The following PNPLA7 variants were observed in gnomAD, a reference collection of about 807,000 sequenced individuals.
PNPLA7 encodes the protein patatin-like phospholipase domain-containing protein 7.
Under a neutral mutation model 161.7 loss-of-function variants are expected in PNPLA7, and 153 were observed. That is an observed-to-expected ratio of 0.95 (90% CI 0.83 to 1.08). The LOEUF is 1.08. PNPLA7 is among the 50% of genes least tolerant of loss of function. PNPLA7 has a pLI of 0.00. For missense variants in PNPLA7, 1,739 were observed against 1,856.6 expected (o/e 0.94, Z 1.16); for synonymous variants, 809 against 782.1 (o/e 1.03, Z -0.57).
intron 25 of PNPLA7, among the ~76,000 whole-genome samples, chr9:137,477,815 G>T (rs768390041): frequency 2.0e-5 from 3 of 152,186 alleles, no homozygotes; most frequent in Non-Finnish European, 4.4e-5. Context: ...ATAAAACCAG[G>T]GCCACTTTGG....
rs1303388677 is a variant in PNPLA7 at position 137,519,909 on chromosome 9, G to T, written c.1084+8C>A. On this transcript the variant is annotated splice_region_variant and intron_variant, in intron 11 of 34. Coordinates refer to ENST00000406427, the MANE Select transcript of PNPLA7 (RefSeq NM_001098537.3). ...CTGGACATTGCCCTCCTTGGTGCAG[G>T]ACAGTACCTGAGTCACAGGACTCCT... 1 of 1,610,952 alleles carries T rather than the reference G, an allele frequency of 6.2e-7. No individual in the cohort carries two copies. The highest frequency in any genetic ancestry group is 1.3e-5 in the African/African-American group (1 of 74,894).
intron 14 of PNPLA7, among the ~76,000 whole-genome samples, chr9:137,504,147 GGAA>G (rs554163674): frequency 3.2e-3 from 440 of 138,674 alleles, no homozygotes; most frequent in African/African-American, 0.012. Flanking sequence ...AAAAAAGAAA[GGAA>G]GAAGAAGAGA....
At position 137,541,008 on chromosome 9, in the gene PNPLA7, C is replaced by T. The variant is rs1473306878; in HGVS notation, c.667-286G>A. ...GGACTGAGGCAAAAGCTCGCAGAGC[C>T]TGTTTGTTTGCTGAGCTAACTATAA... On this transcript the variant is annotated intron_variant, in intron 7 of 34. Coordinates refer to ENST00000406427, the MANE Select transcript of PNPLA7 (RefSeq NM_001098537.3). This position sits in a 1 kb window ranked among gnomAD's most constrained non-coding sequence, Gnocchi z 4.4. 6.6e-6 allele frequency among the ~76,000 whole-genome samples: 1 copy of T among 152,140 alleles called. No homozygotes were observed. The highest frequency in any genetic ancestry group is 1.5e-5 in the Non-Finnish European group (1 of 68,032).
At chr9:137,532,030 A>C (rs1428422155) in intron 8 of PNPLA7, among the ~76,000 whole-genome samples, 1 of 152,254 alleles carries the variant, frequency 6.6e-6, no homozygotes, top group Non-Finnish European at 1.5e-5. Flanking sequence ...CCGAACAGCC[A>C]GGACTATAGG....
Position 137,462,014 on chromosome 9 carries a change from C to A in PNPLA7, c.3673G>T (p.Val1225Leu). The A allele has an allele frequency of 6.2e-7, 1 of 1,601,020 alleles. No homozygotes were observed. The highest frequency in any genetic ancestry group is 8.5e-7 in the Non-Finnish European group (1 of 1,175,336). ...CEVGYQHGRT[V>L]FDIWGRSGVL... ...CCGCTGCGGCCCCAGATGTCAAACA[C>A]CGTGCGCCCGTGCTGGTAGCCCACT... Residue 1225 changes from valine to leucine, a missense_variant, in exon 32 of 35, where the codon GTG becomes TTG. Val to Leu is a conservative substitution (Grantham distance 32). Coordinates refer to ENST00000406427, the MANE Select transcript of PNPLA7 (RefSeq NM_001098537.3).
rs770388935 is a variant in PNPLA7 at position 137,467,156 on chromosome 9, C to G, written c.3039+161G>C. Among the ~76,000 whole-genome samples, 13 of 152,244 alleles carry G rather than the reference C, an allele frequency of 8.5e-5. No individual in the cohort carries two copies. The highest frequency in any genetic ancestry group is 1.3e-4 in the Non-Finnish European group (9 of 68,046). On this transcript the variant is annotated intron_variant, in intron 26 of 34. Transcript: ENST00000406427. This position sits in a 1 kb window ranked among gnomAD's most constrained non-coding sequence, Gnocchi z 5.1. ...CTGCATCTGTGCCTTCTCTGTGGTG[C>G]TCCTTTGCCTCACAAGCTGCACTGG...
chr9:137,516,474 C>T (rs1834577523), intron 11 of PNPLA7: 1 of 985,158 alleles, frequency 1.0e-6, no homozygotes, highest in African/African-American at 1.7e-5. Flanking sequence ...GGACCTAATC[C>T]AGTGAAAGAA....
At chr9:137,536,224 T>C (rs2132587296) in intron 8 of PNPLA7, among the ~76,000 whole-genome samples, 1 of 151,118 alleles carries the variant, frequency 6.6e-6, no homozygotes, top group East Asian at 1.9e-4. Context: ...CAATTCTAGA[T>C]TTCTAAGGTT....
intron 21 of PNPLA7, among the ~76,000 whole-genome samples, chr9:137,481,741 G>C (rs1048367373): frequency 2.6e-5 from 4 of 152,288 alleles, no homozygotes; most frequent in African/African-American, 9.6e-5. Flanking sequence ...GGGATCACGA[G>C]GTCAGGAGAT....
At position 137,460,471 on chromosome 9, in the gene PNPLA7, G is replaced by A. The variant is rs377434408; in HGVS notation, c.3951C>T (p.Asp1317=). Reference sequence around the variant, plus strand: ...GGTGTCGATGCCGCAGTGAGGACTCGTCCTCCTGCAAGCAGACCGCATGTT... The same window carrying A: ...GGTGTCGATGCCGCAGTGAGGACTCATCCTCCTGCAAGCAGACCGCATGTT... The part of the protein sequence containing the change: ...TSAQQGSDLE[D]ESSLRHRHPS... The change falls in exon 35 of 35, where the codon GAC becomes GAT. Residue 1317 remains aspartate, a synonymous_variant. Transcript: ENST00000406427. 17 of 1,612,352 alleles carry A rather than the reference G, an allele frequency of 1.1e-5. No individual in the cohort carries two copies. The highest frequency in any genetic ancestry group is 1.7e-5 in the Admixed American group (1 of 59,986).
chr9:137,531,521 C>T (rs904913833), intron 8 of PNPLA7, among the ~76,000 whole-genome samples: 4 of 152,190 alleles, frequency 2.6e-5, no homozygotes, highest in African/African-American at 9.7e-5. Context: ...GCTCCCCACA[C>T]TTGCACATCT....
chr9:137,479,093 G>C lies in PNPLA7; in HGVS notation c.2726C>G (p.Pro909Arg). 1 of 1,598,436 alleles carries C rather than the reference G, an allele frequency of 6.3e-7. No homozygotes were observed. The highest frequency in any genetic ancestry group is 1.1e-5 in the South Asian group (1 of 89,036). ...WCSGHLHLCC[P>R]RRVFSRRSLP... ...GCTCCTCCTGGAGAAGACGCGGCGC[G>C]GGCAGCAGAGGTGCAGGTGGCCGGA... Residue 909 changes from proline (P) to arginine (R), a missense_variant, in exon 24 of 35, where the codon CCG becomes CGG. Pro to Arg is a moderately radical substitution (Grantham distance 103). Transcript: ENST00000406427.
intron 24 of PNPLA7, chr9:137,478,807 T>C (rs1050227951): frequency 1.9e-5 from 9 of 463,608 alleles, no homozygotes; most frequent in Non-Finnish European, 3.4e-5. Context: ...TCCCCGGGGT[T>C]CGCTGAGCCC....
Position 137,497,172 on chromosome 9 carries a change from G to T in PNPLA7, c.2013+15C>A. 1.3e-6 allele frequency: 2 copies of T among 1,541,122 alleles called. No individual in the cohort carries two copies. The highest frequency in any genetic ancestry group is 2.5e-5 in the East Asian group (1 of 40,174). ...TGCAGAGGTGGGGGAGGCAGGAGCAGGGCCCAGCACCTACCACGCCGACGA... is the reference window on the plus strand; with the variant it reads ...TGCAGAGGTGGGGGAGGCAGGAGCATGGCCCAGCACCTACCACGCCGACGA... On this transcript the variant is annotated intron_variant, in intron 18 of 34. Transcript: ENST00000406427.
At chr9:137,470,166 A>T (rs745862505) in intron 25 of PNPLA7, among the ~76,000 whole-genome samples, 15 of 151,928 alleles carry the variant, frequency 9.9e-5, no homozygotes, top group Non-Finnish European at 1.8e-4. Context: ...AGCTACGACC[A>T]TATCACACCC....
rs141826054 is a variant in PNPLA7, at chr9:137,522,828, G to T, written c.777C>A (p.Ser259=). 6.2e-7 allele frequency: 1 copy of T among 1,613,530 alleles called. No homozygotes were observed. Among genetic ancestry groups the T allele is most frequent in the Non-Finnish European group, 8.5e-7 (1 of 1,179,932 alleles). ...TGHAAPYKTV[S]VRAAIPSTIL... The stretch of plus-strand genomic sequence containing the variant: ...TGGTGGACGGGATGGCCGCGCGGAC[G>T]GAGACCGTTTTGTAAGGTGCAGCAT... Residue 259 remains serine (S), a synonymous_variant, in exon 9 of 35, where the codon TCC becomes TCA. Coordinates refer to ENST00000406427, the MANE Select transcript of PNPLA7 (RefSeq NM_001098537.3).
In PNPLA7 at chr9:137,525,147, G is replaced by A. The variant is rs145948446; in HGVS notation, c.748-2290C>T. On this transcript the variant is annotated intron_variant, in intron 8 of 34. Transcript: ENST00000406427. ...GGTGTCAGCCCAACCTCCCACCTGC[G>A]GGGAGGGGAGGAAGCTAGACATCGA... Among the ~76,000 whole-genome samples, 6 of 152,304 alleles carry A rather than the reference G, an allele frequency of 3.9e-5. No homozygotes were observed. In the East Asian group the frequency reaches 5.8e-4, roughly 15 times the overall value.
At chr9:137,522,167 C>CG (rs1554774469) in intron 9 of PNPLA7, among the ~76,000 whole-genome samples, 1 of 152,210 alleles carries the variant, frequency 6.6e-6, no homozygotes, top group Non-Finnish European at 1.5e-5. Context: ...CTCCGCCTCC[C>CG]GGGTTCATGC....
rs1438823376 is a variant in PNPLA7 at position 137,520,006 on chromosome 9, A to G, written c.995T>C (p.Val332Ala). 10 of 1,612,692 alleles carry G rather than the reference A, an allele frequency of 6.2e-6. No individual in the cohort carries two copies. In the East Asian group the frequency reaches 2.0e-4, roughly 32 times the overall value. The change falls in exon 11 of 35, where the codon GTG becomes GCG. Residue 332 changes from valine (V) to alanine (A), a missense_variant. Val to Ala is a moderately conservative substitution (Grantham distance 64). Around this residue, in one of 6 missense-constraint regions of PNPLA7, gnomAD observed 152 missense variants for 193.5 expected, o/e 0.79. Coordinates refer to ENST00000406427, the MANE Select transcript of PNPLA7 (RefSeq NM_001098537.3). The surrounding 1 kb of genome is among the most constrained non-coding windows in gnomAD (Gnocchi z 5.2). ...CTGCTTCTTGGCCTTCCCGGCAGCC[A>G]CACTGGCTACAGACACGAGAGGGAT... Reference protein sequence around the residue: ...QAIPLVSVASVAAGKAKKQVF... With the variant: ...QAIPLVSVASAAAGKAKKQVF...
Sources: gnomAD v4.1 joint callset for allele counts (sites outside exome capture counted in the v4.1 genomes callset) on GRCh38, gnomAD v4.1.1 for gene constraint, gnomAD v4.1.1 regional missense constraint, Gnocchi (gnomAD v3.1) non-coding constraint, MANE v1.5 for transcripts, NCBI Gene and HGNC (gene_info 2026-07-23, HGNC 2026-07-21) for gene names.